CDH2: variants seen among roughly 807,000 people sequenced by gnomAD.
CDH2 encodes the protein cadherin-2.
Under a neutral mutation model 92.0 loss-of-function variants are expected in CDH2, and 17 were observed. The observed-to-expected ratio is 0.18, with a 90% CI of 0.13 to 0.28. The LOEUF is 0.28. Ranked by LOEUF, CDH2 falls within the 10% of genes least tolerant of loss-of-function variation. The pLI is 1.00. For synonymous variants in CDH2, 419 were observed against 415.9 expected, an observed-to-expected ratio of 1.01 and a Z score of -0.09; for missense variants, 862 against 1,133.1, an observed-to-expected ratio of 0.76 and a Z score of 3.44.
In CDH2 at chr18:28,151,812, G is replaced by A. The variant is rs2016127175; in HGVS notation, c.61-4028C>T. Among the ~76,000 whole-genome samples the A allele has an allele frequency of 2.0e-5, 3 of 152,298 alleles. No homozygotes were observed. In the South Asian group the frequency reaches 6.2e-4, roughly 32 times the overall value. On this transcript the variant is annotated intron_variant, in intron 1 of 15. Transcript: ENST00000269141. ...GTGCATGGGTTGGCAAGCTTTTTCT[G>A]TAAAGGGTAAACTAAGTATTTCAGG...
At chr18:28,077,075 G>T (rs1054490085) in intron 2 of CDH2, among the ~76,000 whole-genome samples, 1 of 152,028 alleles carries the variant, frequency 6.6e-6, no homozygotes, top group South Asian at 2.1e-4. Flanking sequence ...AGGAAAAGTG[G>T]GTACTAAACA....
At chr18:28,042,163 A>G (rs2013959951) in intron 2 of CDH2, among the ~76,000 whole-genome samples, 1 of 152,036 alleles carries the variant, frequency 6.6e-6, no homozygotes, top group South Asian at 2.1e-4. Flanking sequence ...ATATAAATGT[A>G]AGAAACTTAA....
At chr18:27,936,599 A>T (rs1466455307) in intron 6 of CDH2, among the ~76,000 whole-genome samples, 3 of 151,950 alleles carry the variant, frequency 2.0e-5, no homozygotes, top group Admixed American at 1.3e-4. Context: ...GTGCTATCAC[A>T]GCTCCCTGCA....
chr18:28,041,268 T>C (rs1427781840), intron 2 of CDH2, among the ~76,000 whole-genome samples: 3 of 152,218 alleles, frequency 2.0e-5, no homozygotes, highest in Admixed American at 2.0e-4. Flanking sequence ...ACAAAACTGG[T>C]TTTCTGAAGT....
At chr18:27,981,100 T>G (rs2012037187) in intron 14 of CDH2, among the ~76,000 whole-genome samples, 1 of 152,162 alleles carries the variant, frequency 6.6e-6, no homozygotes, top group Admixed American at 6.5e-5. Context: ...TTTTCTTGGT[T>G]CTTGCCTCTG....
At chr18:28,153,791 C>T (rs2016163889) in intron 1 of CDH2, among the ~76,000 whole-genome samples, 2 of 152,206 alleles carry the variant, frequency 1.3e-5, no homozygotes, top group Non-Finnish European at 1.5e-5. Flanking sequence ...GTGTCTGGCA[C>T]ATGGTTATTC....
chr18:28,165,908 T>TACACAA (rs2016371311), intron 1 of CDH2, among the ~76,000 whole-genome samples: 1 of 151,782 alleles, frequency 6.6e-6, no homozygotes. Flanking sequence ...GCCAAATGTA[T>TACACAA]TATTGTGTGT....
intron 14 of CDH2, among the ~76,000 whole-genome samples, chr18:27,968,301 GC>G (rs1317887612): frequency 6.6e-6 from 1 of 152,168 alleles, no homozygotes; most frequent in Non-Finnish European, 1.5e-5. Context: ...ATAACACAGA[GC>G]CCACCAGGGC....
intron 2 of CDH2, among the ~76,000 whole-genome samples, chr18:28,111,420 A>G (rs1367451450): frequency 6.6e-6 from 1 of 152,250 alleles, no homozygotes; most frequent in Non-Finnish European, 1.5e-5. Flanking sequence ...GAAAACATGT[A>G]TTCGAGGTAA....
At chr18:28,071,386 G>T (rs1027548366) in intron 2 of CDH2, among the ~76,000 whole-genome samples, 2 of 152,052 alleles carry the variant, frequency 1.3e-5, no homozygotes, top group African/African-American at 4.8e-5. Flanking sequence ...TGGAGATGAA[G>T]CAGGAAGTCA....
intron 5 of CDH2, among the ~76,000 whole-genome samples, chr18:28,009,261 T>C (rs2013028290): frequency 6.6e-6 from 1 of 152,148 alleles, no homozygotes; most frequent in Non-Finnish European, 1.5e-5. Flanking sequence ...ACATTCCTAA[T>C]TAGACAAAAG....
intron 1 of CDH2, among the ~76,000 whole-genome samples, chr18:28,156,886 T>C (rs1249880224): frequency 2.6e-5 from 4 of 152,150 alleles, no homozygotes; most frequent in Admixed American, 1.3e-4. Context: ...TAGGACAATA[T>C]GAAAACATAC....
chr18:28,001,280 T>G (rs534541143), intron 7 of CDH2, among the ~76,000 whole-genome samples: 1 of 152,326 alleles, frequency 6.6e-6, no homozygotes, highest in South Asian at 2.1e-4. Context: ...TGGTCTGTTT[T>G]AGTAAAAAGT....
At chr18:28,089,540 A>G (rs2014998864) in intron 2 of CDH2, among the ~76,000 whole-genome samples, 1 of 152,156 alleles carries the variant, frequency 6.6e-6, no homozygotes, top group Non-Finnish European at 1.5e-5. Context: ...AATTGCATAT[A>G]AATTGATAGT....
intron 2 of CDH2, among the ~76,000 whole-genome samples, chr18:28,098,269 C>T (rs1470239888): frequency 2.0e-5 from 3 of 152,002 alleles, no homozygotes; most frequent in Non-Finnish European, 4.4e-5. Flanking sequence ...AGGAAAAATG[C>T]ATTAAAGAGG....
At chr18:28,111,202 T>G (rs2144253793) in intron 2 of CDH2, among the ~76,000 whole-genome samples, 1 of 152,288 alleles carries the variant, frequency 6.6e-6, no homozygotes, top group African/African-American at 2.4e-5. Context: ...GGACTTCTAT[T>G]ATCAAACCTC....
At chr18:28,011,335 A>G (rs2013093379) in intron 4 of CDH2, among the ~76,000 whole-genome samples, 1 of 151,846 alleles carries the variant, frequency 6.6e-6, no homozygotes, top group Non-Finnish European at 1.5e-5. Flanking sequence ...TTGAAAGCCT[A>G]TGATTTTACA....
intron 1 of CDH2, among the ~76,000 whole-genome samples, chr18:28,158,483 A>C (rs1259863690): frequency 6.6e-6 from 1 of 152,192 alleles, no homozygotes; most frequent in Non-Finnish European, 1.5e-5. Flanking sequence ...ATAGTTTCAC[A>C]GTGTAACCCA....
At chr18:28,043,154 T>C (rs181394863) in intron 2 of CDH2, among the ~76,000 whole-genome samples, 24 of 152,170 alleles carry the variant, frequency 1.6e-4, no homozygotes, top group African/African-American at 5.8e-4. Context: ...TGCAGCAACT[T>C]GGATGGAGCT....
Sources: allele counts gnomAD v4.1 joint callset (sites outside exome capture counted in the v4.1 genomes callset), GRCh38; gene constraint gnomAD v4.1.1; transcripts MANE v1.5; gene names NCBI Gene and HGNC (gene_info 2026-07-23, HGNC 2026-07-21).